The following LRCH1 variants were observed in gnomAD, a reference collection of about 807,000 sequenced individuals.
LRCH1 encodes the protein leucine rich repeats and calponin homology domain containing 1.
A neutral mutation model predicts 94.9 loss-of-function variants in LRCH1; 23 were observed. The observed-to-expected ratio is 0.24, with a 90% confidence interval of 0.17 to 0.34. The LOEUF is 0.34. LRCH1 is among the 10% of genes least tolerant of loss of function. The pLI, the probability that LRCH1 is intolerant of heterozygous loss-of-function variation, is 1.00. For synonymous variants in LRCH1, 364 were observed against 354.9 expected (o/e 1.03, Z -0.29); for missense variants, 790 against 945.9 (o/e 0.84, Z 2.16).
At chr13:46,581,095 T>A (rs1566155456) in intron 1 of LRCH1, among the ~76,000 whole-genome samples, 2 of 152,208 alleles carry the variant, frequency 1.3e-5, no homozygotes, top group African/African-American at 4.8e-5. Flanking sequence ...TGAAATAAGG[T>A]AAAACACAGT....
chr13:46,673,302 T>C (rs1183148097), intron 3 of LRCH1, among the ~76,000 whole-genome samples: 1 of 152,170 alleles, frequency 6.6e-6, no homozygotes, highest in Non-Finnish European at 1.5e-5. Flanking sequence ...AGCGTGATCT[T>C]TGGAAAAGCA....
intron 1 of LRCH1, among the ~76,000 whole-genome samples, chr13:46,555,875 G>A (rs955057762): frequency 2.0e-5 from 3 of 152,170 alleles, no homozygotes; most frequent in Non-Finnish European, 4.4e-5. Context: ...TGTACTCTTT[G>A]TTCTAAAGAT....
chr13:46,553,501 C>A lies in LRCH1; in HGVS notation c.105C>A (p.His35Gln). The change falls in exon 1 of 20, where the codon CAC becomes CAA. Residue 35 changes from histidine (H) to glutamine (Q), a missense_variant. By Grantham distance (24) the His-to-Gln change is conservative. Coordinates refer to ENST00000389797, the MANE Select transcript of LRCH1 (RefSeq NM_001164211.2). ...HPHHHHHHHQ[H>Q]HGGTGAPGGA... ...ACCACCACCACCACCACCATCAGCA[C>A]CACGGAGGAACCGGCGCCCCCGGCG... is the stretch of plus-strand genomic sequence containing the variant. 1 of 1,547,450 alleles carries A rather than the reference C, an allele frequency of 6.5e-7. No homozygotes were observed. Among genetic ancestry groups the A allele is most frequent in the South Asian group, 1.2e-5 (1 of 83,904 alleles).
In LRCH1 at chr13:46,712,515, AACACC is replaced by A. The variant is rs751446788; in HGVS notation, c.1582-6_1582-2del. The A allele has an allele frequency of 1.2e-6, 2 of 1,608,272 alleles. No individual in the cohort carries two copies. The highest frequency in any genetic ancestry group is 1.7e-6 in the Non-Finnish European group (2 of 1,175,312). On this transcript the variant is annotated splice_region_variant and splice_polypyrimidine_tract_variant and intron_variant, in intron 14 of 19. Transcript: ENST00000389797. The stretch of plus-strand genomic sequence containing the variant: ...TTTTTTCCTAATTTCCTTTCCTTCC[AACACC>A]ACAGATTAGAGAGAACTCCCCTGCA...
chr13:46,611,402 T>G (rs1384622757), intron 1 of LRCH1, among the ~76,000 whole-genome samples: 1 of 152,176 alleles, frequency 6.6e-6, no homozygotes, highest in African/African-American at 2.4e-5. Flanking sequence ...ACCATCGTAC[T>G]CTCCTAGTCT....
intron 2 of LRCH1, among the ~76,000 whole-genome samples, chr13:46,650,714 A>T (rs1312805506): frequency 3.5e-5 from 5 of 142,080 alleles, no homozygotes; most frequent in Non-Finnish European, 7.6e-5. Flanking sequence ...GTCAGGACAA[A>T]CAAGGAGCAA....
Position 46,744,755 on chromosome 13 carries a change from A to T in LRCH1, c.*2907A>T. The T allele has an allele frequency of 1.0e-6, 1 of 985,376 alleles. No individual in the cohort carries two copies. Among genetic ancestry groups the T allele is most frequent in the Non-Finnish European group, 1.2e-6 (1 of 829,870 alleles). 61.0% of individuals were successfully genotyped at this position (985,376 alleles called of 1,614,324 possible). ...CCTGTGGGGAAAAAGTAGGGATGAT[A>T]TTTTAAAATTTTAAGAAACTGAAAG... On this transcript the variant is annotated 3_prime_UTR_variant, in exon 20 of 20. Coordinates refer to ENST00000389797, the MANE Select transcript of LRCH1 (RefSeq NM_001164211.2).
chr13:46,735,195 C>T (rs1873310041), intron 19 of LRCH1, among the ~76,000 whole-genome samples: 1 of 152,190 alleles, frequency 6.6e-6, no homozygotes, highest in African/African-American at 2.4e-5. Context: ...ATCTATTCTG[C>T]TTTCAGCAAT....
intron 18 of LRCH1, among the ~76,000 whole-genome samples, chr13:46,732,407 C>T (rs1191167346): frequency 6.6e-6 from 1 of 152,162 alleles, no homozygotes; most frequent in African/African-American, 2.4e-5. Context: ...AAGCTTTAAC[C>T]ATTGCGTTTG....
chr13:46,582,368 A>ATATTT (rs1203815105), intron 1 of LRCH1, among the ~76,000 whole-genome samples: 1 of 42,776 alleles, frequency 2.3e-5, no homozygotes. Context: ...CGTTGCTCTC[A>ATATTT]TCTTTTTTTT....
chr13:46,678,472 T>TC (rs2051706260), intron 3 of LRCH1, among the ~76,000 whole-genome samples: 2 of 152,198 alleles, frequency 1.3e-5, no homozygotes, highest in South Asian at 4.2e-4. Flanking sequence ...TTGGGCGTTT[T>TC]CCCCCCATTA....
intron 1 of LRCH1, among the ~76,000 whole-genome samples, chr13:46,583,554 T>C (rs1389773433): frequency 6.6e-6 from 1 of 152,188 alleles, no homozygotes; most frequent in Non-Finnish European, 1.5e-5. Flanking sequence ...TGGCTGCCTG[T>C]GCTAATGTCA....
chr13:46,620,689 A>G (rs1325053976), intron 1 of LRCH1, among the ~76,000 whole-genome samples: 1 of 152,228 alleles, frequency 6.6e-6, no homozygotes, highest in Non-Finnish European at 1.5e-5. Flanking sequence ...GGGACTTGCT[A>G]TTGGCATAAC....
At chr13:46,623,839 C>G (rs943308421) in intron 1 of LRCH1, among the ~76,000 whole-genome samples, 5 of 150,070 alleles carry the variant, frequency 3.3e-5, no homozygotes, top group African/African-American at 1.2e-4. Flanking sequence ...TTAGGTATGT[C>G]TCCTAATGCT....
At chr13:46,610,150 GA>G (rs776595050) in intron 1 of LRCH1, among the ~76,000 whole-genome samples, 4 of 152,178 alleles carry the variant, frequency 2.6e-5, no homozygotes, top group Non-Finnish European at 5.9e-5. Flanking sequence ...AAATTCTGTT[GA>G]AGATTTATTA....
chr13:46,623,887 A>G (rs1211154551), intron 1 of LRCH1, among the ~76,000 whole-genome samples: 1 of 102,752 alleles, frequency 9.7e-6, no homozygotes, highest in Non-Finnish European at 1.8e-5. Flanking sequence ...TTTATTATTT[A>G]TTTATTTATC....
intron 3 of LRCH1, among the ~76,000 whole-genome samples, chr13:46,677,476 G>C (rs575789855): frequency 2.0e-5 from 3 of 152,140 alleles, no homozygotes; most frequent in African/African-American, 7.2e-5. Flanking sequence ...TTACCATATT[G>C]CTTTCTGAAA....
chr13:46,680,832 G>A (rs1008673144), intron 3 of LRCH1, among the ~76,000 whole-genome samples: 1 of 152,294 alleles, frequency 6.6e-6, no homozygotes, highest in South Asian at 2.1e-4. Context: ...CACTCTGGCC[G>A]CTCTGTGAAG....
Position 46,553,534 on chromosome 13 carries a change from T to TGGTGGCGGC in LRCH1, c.145_153dup (p.Gly49_Gly51dup). On this transcript the variant is annotated inframe_insertion, in exon 1 of 20. Transcript: ENST00000389797. ...GAACCGGCGCCCCCGGCGGGGCGGG[T>TGGTGGCGGC]GGTGGCGGCGGTGGCAGCGGGGGCT... 2 of 1,544,968 alleles carry TGGTGGCGGC rather than the reference T, an allele frequency of 1.3e-6. No homozygotes were observed. Among genetic ancestry groups the TGGTGGCGGC allele is most frequent in the South Asian group, 1.2e-5 (1 of 83,716 alleles).
Sources: gnomAD v4.1 joint callset for allele counts (sites outside exome capture counted in the v4.1 genomes callset) on GRCh38, gnomAD v4.1.1 for gene constraint, MANE v1.5 for transcripts, NCBI Gene and HGNC (gene_info 2026-07-23, HGNC 2026-07-21) for gene names.